Variants in RALGAPA1 observed in about 807,000 individuals in gnomAD.
RALGAPA1 encodes ral GTPase-activating protein subunit alpha-1.
A neutral mutation model predicts 269.6 loss-of-function variants in RALGAPA1; 52 were observed. That is an observed-to-expected ratio of 0.19 (90% CI 0.15 to 0.24). The LOEUF (loss-of-function observed/expected upper bound fraction) is 0.24, where lower values mean the gene tolerates loss of function less well. RALGAPA1 is among the 10% of genes least tolerant of loss of function. The pLI, the probability that RALGAPA1 is intolerant of heterozygous loss-of-function variation, is 1.00. For missense variants in RALGAPA1, 1,917 were observed against 3,013.9 expected (o/e 0.64, Z 8.52); for synonymous variants, 817 against 1,008.3 (o/e 0.81, Z 3.60).
chr14:35,556,709 T>C (rs915292665), intron 39 of RALGAPA1, among the ~76,000 whole-genome samples: 21 of 152,204 alleles, frequency 1.4e-4, no homozygotes, highest in East Asian at 3.8e-4. Context: ...GCCAAGTCTA[T>C]ATTGTTTTCA....
chr14:35,656,808 G>A (rs1010639011), intron 28 of RALGAPA1, among the ~76,000 whole-genome samples: 23 of 152,226 alleles, frequency 1.5e-4, no homozygotes, highest in Admixed American at 1.2e-3. Context: ...AAGTCTTCTA[G>A]ATGAACTCTA....
At chr14:35,552,376 C>T (rs940673217) in intron 39 of RALGAPA1, among the ~76,000 whole-genome samples, 4 of 152,124 alleles carry the variant, frequency 2.6e-5, no homozygotes, top group Non-Finnish European at 4.4e-5. Context: ...TAGACACTTA[C>T]TCCATAAAAG....
At chr14:35,647,798 CA>C (rs1395723408) in intron 31 of RALGAPA1, among the ~76,000 whole-genome samples, 18 of 150,512 alleles carry the variant, frequency 1.2e-4, no homozygotes, top group African/African-American at 4.2e-4. Flanking sequence ...ACTAAAAATA[CA>C]AAAATTAGCA....
chr14:35,648,719 G>A (rs543861767), intron 31 of RALGAPA1, among the ~76,000 whole-genome samples: 29 of 152,220 alleles, frequency 1.9e-4, no homozygotes, highest in African/African-American at 7.0e-4. Flanking sequence ...GATCACTTGA[G>A]TGTGGGAGGT....
At chr14:35,737,759 C>CAAAAAAAAAAAAAAAAAAAAAAAAAAA (rs60152249) in intron 12 of RALGAPA1, among the ~76,000 whole-genome samples, 3 of 17,418 alleles carry the variant, frequency 1.7e-4, no homozygotes, top group Non-Finnish European at 2.8e-4. Flanking sequence ...AAATCCATCT[C>CAAAAAAAAAAAAAAAAAAAAAAAAAAA]AAAAAAAAAA....
chr14:35,686,169 C>T (rs1248660282), intron 19 of RALGAPA1, among the ~76,000 whole-genome samples: 4 of 150,566 alleles, frequency 2.7e-5, no homozygotes, highest in Admixed American at 2.0e-4. Flanking sequence ...TATATAACTA[C>T]GGGAGCTGGG....
rs189271913 is a variant in RALGAPA1 at position 35,553,105 on chromosome 14, T to C, written c.7497-3871A>G. Among the ~76,000 whole-genome samples, 504 of 152,262 alleles carry C rather than the reference T, an allele frequency of 3.3e-3. 4 individuals carry two copies. The highest frequency in any genetic ancestry group is 0.012 in the African/African-American group (478 of 41,544). On this transcript the variant is annotated intron_variant, in intron 39 of 41. Transcript: ENST00000680220. ...CATCACCTGCTCACTTCATAGGGTGTTGAAGATAAAGGATACAAATACGGG... is the reference window on the plus strand; with the variant it reads ...CATCACCTGCTCACTTCATAGGGTGCTGAAGATAAAGGATACAAATACGGG...
chr14:35,702,616 T>A (rs1048486390), intron 16 of RALGAPA1, among the ~76,000 whole-genome samples: 1 of 151,840 alleles, frequency 6.6e-6, no homozygotes, highest in African/African-American at 2.4e-5. Flanking sequence ...CAATCACTCA[T>A]TAAAATTGGT....
At chr14:35,566,710 T>C (rs1217149694) in intron 39 of RALGAPA1, among the ~76,000 whole-genome samples, 3 of 151,798 alleles carry the variant, frequency 2.0e-5, no homozygotes, top group Non-Finnish European at 2.9e-5. Flanking sequence ...CTGAAATAAG[T>C]ATTTATTTAA....
intron 39 of RALGAPA1, among the ~76,000 whole-genome samples, chr14:35,559,086 T>C (rs548166216): frequency 6.6e-6 from 1 of 152,262 alleles, no homozygotes; most frequent in East Asian, 1.9e-4. Flanking sequence ...CATGAACAGA[T>C]GGGCGGTAAC....
chr14:35,758,164 G>A (rs1463722473), intron 6 of RALGAPA1, among the ~76,000 whole-genome samples: 1 of 140,142 alleles, frequency 7.1e-6, no homozygotes, highest in Non-Finnish European at 1.5e-5. Context: ...AGAATCGCTT[G>A]AACTGGGTGG....
At chr14:35,619,805 T>C (rs1046543641) in intron 35 of RALGAPA1, among the ~76,000 whole-genome samples, 1 of 152,044 alleles carries the variant, frequency 6.6e-6, no homozygotes, top group African/African-American at 2.4e-5. Context: ...CAGGAAGAAG[T>C]TGAATCTCCG....
At chr14:35,603,029 G>A (rs1269185354) in intron 36 of RALGAPA1, among the ~76,000 whole-genome samples, 1 of 152,096 alleles carries the variant, frequency 6.6e-6, no homozygotes, top group East Asian at 1.9e-4. Flanking sequence ...TGGCACCCTT[G>A]TCAAAAACGG....
intron 1 of RALGAPA1, among the ~76,000 whole-genome samples, chr14:35,805,272 A>G (rs2077277687): frequency 6.6e-6 from 1 of 150,686 alleles, no homozygotes; most frequent in African/African-American, 2.4e-5. Context: ...AAAATACAAA[A>G]GAAAAAAAAA....
intron 39 of RALGAPA1, among the ~76,000 whole-genome samples, chr14:35,562,446 C>T (rs765085576): frequency 6.6e-6 from 1 of 152,142 alleles, no homozygotes; most frequent in Non-Finnish European, 1.5e-5. Flanking sequence ...GATCTCCCAA[C>T]CCCAAATGAA....
rs865975311 is a variant in RALGAPA1 at position 35,595,729 on chromosome 14, A to G, written c.7114T>C (p.Leu2372=). The change falls in exon 37 of 42, where the codon TTG becomes CTG. Residue 2372 remains leucine (L), a synonymous_variant. Coordinates refer to ENST00000680220, the MANE Select transcript of RALGAPA1 (RefSeq NM_001346249.2). ...GAGGTAGCAAAATATGGAGTGGTCA[A>G]TCCAGTGCTTTTGTTTTTTTGTAGT... ...GGLQKNKSTG[L]TTPYFATSTV... 2 of 1,612,592 alleles carry G rather than the reference A, an allele frequency of 1.2e-6. No homozygotes were observed. Among genetic ancestry groups the G allele is most frequent in the East Asian group, 2.2e-5 (1 of 44,808 alleles).
At chr14:35,612,535 C>T (rs1213604889) in intron 35 of RALGAPA1, among the ~76,000 whole-genome samples, 1 of 150,590 alleles carries the variant, frequency 6.6e-6, no homozygotes, top group Non-Finnish European at 1.5e-5. Context: ...TCTTCTTCTT[C>T]TTCTTCTTTT....
intron 3 of RALGAPA1, among the ~76,000 whole-genome samples, chr14:35,773,180 A>C (rs2074766019): frequency 6.6e-6 from 1 of 152,178 alleles, no homozygotes; most frequent in South Asian, 2.1e-4. Flanking sequence ...ATGGTAAATA[A>C]AAGATTAAAG....
chr14:35,671,423 G>T lies in RALGAPA1; in HGVS notation c.5168C>A (p.Ala1723Glu). The T allele has an allele frequency of 6.2e-7, 1 of 1,611,322 alleles. No homozygotes were observed. The highest frequency in any genetic ancestry group is 8.5e-7 in the Non-Finnish European group (1 of 1,178,784). The change falls in exon 26 of 42, where the codon GCA (alanine) becomes GAA (glutamate). Residue 1723 changes from alanine (A) to glutamate (E), a missense_variant. Ala to Glu is a moderately radical substitution (Grantham distance 107). This residue lies in a region of RALGAPA1 where 346 missense variants were observed against 566.1 expected (regional missense o/e 0.61). Transcript: ENST00000680220. ...ATMLIMDFIV[A>E]AGRVASSAFL... ...AGCTGAAGAAGCCACTCTACCAGCT[G>T]CTACAATAAAATCCATAATAAGCAT...
Sources: gnomAD v4.1 joint callset for allele counts (sites outside exome capture counted in the v4.1 genomes callset) on GRCh38, gnomAD v4.1.1 for gene constraint, gnomAD v4.1.1 regional missense constraint, MANE v1.5 for transcripts, NCBI Gene and HGNC (gene_info 2026-07-23, HGNC 2026-07-21) for gene names.